The following DPY19L4 variants were observed in gnomAD, a reference collection of about 807,000 sequenced individuals.
DPY19L4 encodes dpy-19 like 4.
In DPY19L4, 97 loss-of-function variants were observed where a neutral mutation model predicts 102.8. That is an observed-to-expected ratio of 0.94 (90% CI 0.80 to 1.12). DPY19L4 has a LOEUF of 1.12. Among genes scored for constraint, DPY19L4 ranks in the 50% most tolerant of loss-of-function variants. DPY19L4 has a pLI of 0.00. For synonymous variants in DPY19L4, 252 were observed against 283.1 expected (o/e 0.89, Z 1.10); for missense variants, 815 against 850.4 (o/e 0.96, Z 0.52).
chr8:94,739,933 G>A, intron 6 of DPY19L4, 143 bp downstream of exon 6: 3 of 1,104,396 alleles, frequency 2.7e-6, no homozygotes, highest in Non-Finnish European at 3.9e-6. Context: ...CCATGATTAT[G>A]ATACTTTGTA....
Position 94,788,623 on chromosome 8 carries a change from A to G in DPY19L4, c.2007+571A>G, listed in dbSNP as rs543442579. The stretch of plus-strand genomic sequence containing the variant: ...ACCAAGCTGTGTTTTCCACAAGAAG[A>G]CCACCTAAGACTGACGCACGCGCGC... On this transcript the variant is annotated intron_variant, in intron 18 of 18. Transcript: ENST00000414645. Among the ~76,000 whole-genome samples, 7 of 132,394 alleles carry G rather than the reference A, an allele frequency of 5.3e-5. No individual in the cohort carries two copies. The South Asian group carries it at 2.0e-3, about 38-fold the overall frequency. 86.9% of individuals were successfully genotyped at this position (132,394 alleles called of 152,430 possible).
At chr8:94,778,804 A>G (rs1813300252) in intron 14 of DPY19L4, among the ~76,000 whole-genome samples, 1 of 152,210 alleles carries the variant, frequency 6.6e-6, no homozygotes, top group Non-Finnish European at 1.5e-5. Flanking sequence ...TAGGCAAAGA[A>G]CATGATGTAA....
At position 94,768,487 on chromosome 8, in the gene DPY19L4, C is replaced by A; in HGVS notation, c.1268C>A (p.Pro423His). ...FLRLTQSSLL[P>H]FYILVLIICF... ...CGATTGACACAGTCTTCTTTATTAC[C>A]TTTCTACATTCTAGTGTTAATTATT... is the stretch of plus-strand genomic sequence containing the variant. Residue 423 changes from proline to histidine, a missense_variant, in exon 12 of 19, where the codon CCT (proline) becomes CAT (histidine). Coordinates refer to ENST00000414645, the MANE Select transcript of DPY19L4 (RefSeq NM_181787.3). 6.3e-7 allele frequency: 1 copy of A among 1,594,792 alleles called. No homozygotes were observed. The highest frequency in any genetic ancestry group is 8.6e-7 in the Non-Finnish European group (1 of 1,165,776).
intron 2 of DPY19L4, among the ~76,000 whole-genome samples, chr8:94,730,525 C>A (rs1471881606): frequency 1.3e-5 from 2 of 151,778 alleles, no homozygotes; most frequent in African/African-American, 4.8e-5. Context: ...GTGGGGGGAT[C>A]ACCTGAGGTC....
chr8:94,789,619 G>A, intron 18 of DPY19L4, 127 bp from the exon 19 acceptor site: 1 of 813,852 alleles, frequency 1.2e-6, no homozygotes. Context: ...CTAACAGTGA[G>A]ATGTTTTATA....
rs1012621845 is a variant in DPY19L4 at position 94,747,554 on chromosome 8, CT to C, written c.611+7786del. 6.7e-3 allele frequency among the ~76,000 whole-genome samples: 705 copies of C among 105,490 alleles called. 2 individuals carry two copies. Among genetic ancestry groups the C allele is most frequent in the African/African-American group, 0.02 (529 of 26,982 alleles). 69.2% of individuals were successfully genotyped at this position (105,490 alleles called of 152,430 possible). A position where few individuals can be genotyped will look rare whatever the true frequency, so the allele number is the denominator to read the frequency against. On this transcript the variant is annotated intron_variant, in intron 6 of 18. Transcript: ENST00000414645. ...GTATAGTGTTTATACTATGATGGTT[CT>C]TTTTTTTTTTTTTTTTTTTTTGAGA...
chr8:94,745,226 A>G (rs1304399758), intron 6 of DPY19L4: 1 of 152,656 alleles, frequency 6.6e-6, no homozygotes, highest in Non-Finnish European at 1.5e-5. Context: ...AGGAAACGGC[A>G]TTGTACAGAT....
At chr8:94,740,259 T>C (rs1051278111) in intron 6 of DPY19L4, among the ~76,000 whole-genome samples, 3 of 152,212 alleles carry the variant, frequency 2.0e-5, no homozygotes, top group Non-Finnish European at 4.4e-5. Context: ...TGCCACTATA[T>C]GCAAAAATTG....
intron 7 of DPY19L4, among the ~76,000 whole-genome samples, chr8:94,761,411 A>G (rs1812389328): frequency 6.6e-6 from 1 of 152,202 alleles, no homozygotes; most frequent in Non-Finnish European, 1.5e-5. Context: ...TTGGGATGAA[A>G]GAAAATTATA....
intron 17 of DPY19L4, among the ~76,000 whole-genome samples, chr8:94,785,654 A>AT (rs1813620941): frequency 6.6e-6 from 1 of 152,200 alleles, no homozygotes. Context: ...TGGAGAGTTA[A>AT]TTATGGTCAT....
At chr8:94,763,861 G>A (rs1378809953) in intron 8 of DPY19L4, among the ~76,000 whole-genome samples, 1 of 151,970 alleles carries the variant, frequency 6.6e-6, no homozygotes, top group Non-Finnish European at 1.5e-5. Flanking sequence ...CAGAGATGGG[G>A]TTTTGCCATG....
At chr8:94,738,516 C>CTT (rs368142148) in intron 4 of DPY19L4, 57 bp downstream of exon 4, 1,765 of 775,184 alleles carry the variant, frequency 2.3e-3, no homozygotes, top group South Asian at 4.2e-3. Context: ...CTTTTCTTTT[C>CTT]TTTTTTTTTT....
At chr8:94,729,137 G>A (rs1810820335) in intron 2 of DPY19L4, among the ~76,000 whole-genome samples, 1 of 152,126 alleles carries the variant, frequency 6.6e-6, no homozygotes, top group African/African-American at 2.4e-5. Context: ...TTGGGAGGAC[G>A]AGGCAGGTGG....
chr8:94,734,304 C>T (rs543638647), intron 2 of DPY19L4, among the ~76,000 whole-genome samples: 1 of 152,236 alleles, frequency 6.6e-6, no homozygotes, highest in East Asian at 1.9e-4. Flanking sequence ...GCCTTGGCCT[C>T]CCAAAGTGCC....
chr8:94,728,550 G>T (rs1405369337), intron 2 of DPY19L4, among the ~76,000 whole-genome samples: 1 of 152,084 alleles, frequency 6.6e-6, no homozygotes, highest in Non-Finnish European at 1.5e-5. Flanking sequence ...ATATAAATTT[G>T]CTCAAGATAA....
At position 94,768,293 on chromosome 8, in the gene DPY19L4, G is replaced by A; in HGVS notation, c.1176-102G>A. ...TGCTAATATAAGTAAACGGGTTTAG[G>A]AAATGTGTTTTTTCTTAGTTTTTGC... is the stretch of plus-strand genomic sequence containing the variant. On this transcript the variant is annotated intron_variant, in intron 11 of 18. Transcript: ENST00000414645. 3.4e-6 allele frequency: 3 copies of A among 887,794 alleles called. No individual in the cohort carries two copies. In the South Asian group the frequency reaches 4.8e-5, roughly 14 times the overall value. The allele number at this position is 887,794 out of a possible 1,614,324, so 55.0% of individuals were successfully genotyped here. A position where few individuals can be genotyped will look rare whatever the true frequency, so the allele number is the denominator to read the frequency against.
At chr8:94,764,978 T>A (rs1014674695) in intron 8 of DPY19L4, among the ~76,000 whole-genome samples, 5 of 151,578 alleles carry the variant, frequency 3.3e-5, no homozygotes, top group African/African-American at 9.7e-5. Context: ...TCCACCCACT[T>A]TGGCCACTGA....
At chr8:94,755,895 A>T in intron 6 of DPY19L4, 141 bp from the exon 7 acceptor site, 1 of 806,880 alleles carries the variant, frequency 1.2e-6, no homozygotes, top group Non-Finnish European at 1.8e-6. Flanking sequence ...AAAAAAAAAA[A>T]GGACAATGGT....
intron 6 of DPY19L4, among the ~76,000 whole-genome samples, chr8:94,749,830 A>G (rs779676801): frequency 2.0e-5 from 3 of 152,222 alleles, no homozygotes; most frequent in Non-Finnish European, 4.4e-5. Context: ...TGTTCATTAA[A>G]TGGTATTGGG....
Sources: gnomAD v4.1 joint callset for allele counts (sites outside exome capture counted in the v4.1 genomes callset) on GRCh38, gnomAD v4.1.1 for gene constraint, MANE v1.5 for transcripts, NCBI Gene and HGNC (gene_info 2026-07-23, HGNC 2026-07-21) for gene names.